The following NRXN3 variants were observed in gnomAD, a reference collection of about 807,000 sequenced individuals.
The protein encoded by NRXN3 is neurexin 3.
In NRXN3, 32 loss-of-function variants were observed where a neutral mutation model predicts 137.6. The ratio of observed to expected loss-of-function variants is 0.23; its 90% confidence interval spans 0.18 to 0.31. The LOEUF (loss-of-function observed/expected upper bound fraction) is 0.31, where lower values mean the gene tolerates loss of function less well. NRXN3 is among the 10% of genes least tolerant of loss of function. The pLI is 1.00. For missense variants in NRXN3, 1,574 were observed against 2,062.5 expected (o/e 0.76, Z 4.59); for synonymous variants, 798 against 784.5 (o/e 1.02, Z -0.29).
intron 10 of NRXN3, among the ~76,000 whole-genome samples, chr14:78,952,570 G>A (rs1305542594): frequency 6.6e-6 from 1 of 152,264 alleles, no homozygotes; most frequent in East Asian, 1.9e-4. Context: ...GGAAGCAAAG[G>A]TAAGTTTTCT....
intron 10 of NRXN3, among the ~76,000 whole-genome samples, chr14:78,846,540 T>G (rs2152466511): frequency 6.6e-6 from 1 of 152,204 alleles, no homozygotes; most frequent in East Asian, 1.9e-4. Context: ...TATGATTGGG[T>G]TTTGCTCATA....
In NRXN3 at chr14:79,079,032, A is replaced by G. The variant is rs77383875; in HGVS notation, c.3262+90891A>G. 6.8e-3 allele frequency among the ~76,000 whole-genome samples: 1,036 copies of G among 152,280 alleles called. 13 individuals carry two copies. Among genetic ancestry groups the G allele is most frequent in the African/African-American group, 0.024 (1,007 of 41,544 alleles). Reference sequence around the variant, plus strand: ...TGAGTCAACATTGCTTCTTTTAGTGACACAAGCAAGCCTGCTTTCTCCAGC... The same window carrying G: ...TGAGTCAACATTGCTTCTTTTAGTGGCACAAGCAAGCCTGCTTTCTCCAGC... On this transcript the variant is annotated intron_variant, in intron 15 of 20. Transcript: ENST00000335750.
intron 2 of NRXN3, among the ~76,000 whole-genome samples, chr14:78,261,560 A>G (rs2070725635): frequency 6.6e-6 from 1 of 152,226 alleles, no homozygotes; most frequent in South Asian, 2.1e-4. Flanking sequence ...AGATTTAGTG[A>G]AAATCTTTTA....
rs74976772 is a variant in NRXN3, at chr14:78,506,301, T to C, written c.758-138819T>C. 4.5e-4 allele frequency among the ~76,000 whole-genome samples: 68 copies of C among 152,310 alleles called. No individual in the cohort carries two copies. The East Asian group carries it at 0.012, about 27-fold the overall frequency. Reference sequence around the variant, plus strand: ...TTGCAAATGATAGGATTTCCTTCTTTTAAAAAACTAAATAATAGTCATGCT... The same window carrying C: ...TTGCAAATGATAGGATTTCCTTCTTCTAAAAAACTAAATAATAGTCATGCT... On this transcript the variant is annotated intron_variant, in intron 4 of 20. Coordinates refer to ENST00000335750, the MANE Select transcript of NRXN3 (RefSeq NM_001330195.2).
At chr14:79,787,168 GT>G (rs1409106440) in intron 19 of NRXN3, among the ~76,000 whole-genome samples, 2 of 152,160 alleles carry the variant, frequency 1.3e-5, no homozygotes, top group Non-Finnish European at 2.9e-5. Context: ...AACATTAGTT[GT>G]TTATGGACTT....
At chr14:79,853,872 G>GT (rs912630645) in intron 20 of NRXN3, 8 of 986,442 alleles carry the variant, frequency 8.1e-6, no homozygotes, top group East Asian at 1.1e-4. Context: ...AAGTAAACAG[G>GT]TTTTTTTGTT....
At position 78,353,471 on chromosome 14, in the gene NRXN3, G is replaced by A. The variant is rs999172728; in HGVS notation, c.757+55611G>A. 7.2e-5 allele frequency among the ~76,000 whole-genome samples: 11 copies of A among 152,082 alleles called. No homozygotes were observed. The South Asian group carries it at 8.3e-4, about 11-fold the overall frequency. ...GGTGGAAGGGGCAAGGCAGCTCTCCGGGGACTGTTTTATAAGGGCGTAGTC... is the reference window on the plus strand; with the variant it reads ...GGTGGAAGGGGCAAGGCAGCTCTCCAGGGACTGTTTTATAAGGGCGTAGTC... On this transcript the variant is annotated intron_variant, in intron 4 of 20. Coordinates refer to ENST00000335750, the MANE Select transcript of NRXN3 (RefSeq NM_001330195.2).
chr14:78,832,306 A>C (rs2098984741), intron 10 of NRXN3, among the ~76,000 whole-genome samples: 1 of 152,230 alleles, frequency 6.6e-6, no homozygotes, highest in Admixed American at 6.5e-5. Context: ...CTTGCCAAGA[A>C]AGAAAGAAAT....
At chr14:79,469,443 C>G (rs1349858919) in intron 16 of NRXN3, among the ~76,000 whole-genome samples, 3 of 152,166 alleles carry the variant, frequency 2.0e-5, no homozygotes, top group Non-Finnish European at 4.4e-5. Flanking sequence ...ATACTCTAAA[C>G]ATACTTTGAG....
chr14:78,662,408 C>T (rs1204525446), intron 6 of NRXN3, among the ~76,000 whole-genome samples: 2 of 151,900 alleles, frequency 1.3e-5, no homozygotes, highest in African/African-American at 4.8e-5. Flanking sequence ...AAAATGTGGC[C>T]CATATATCCT....
At chr14:79,532,104 C>G (rs2097174681) in intron 16 of NRXN3, among the ~76,000 whole-genome samples, 1 of 152,142 alleles carries the variant, frequency 6.6e-6, no homozygotes, top group African/African-American at 2.4e-5. Flanking sequence ...TCCCTGCCTT[C>G]TCTTCTCAAT....
chr14:79,083,466 G>C (rs1430943723), intron 15 of NRXN3, among the ~76,000 whole-genome samples: 1 of 152,196 alleles, frequency 6.6e-6, no homozygotes, highest in Non-Finnish European at 1.5e-5. Flanking sequence ...CGTTTGTAAT[G>C]TTCCAAGCAT....
chr14:79,752,058 C>T (rs2098999791), intron 19 of NRXN3, among the ~76,000 whole-genome samples: 1 of 152,100 alleles, frequency 6.6e-6, no homozygotes. Context: ...CTCTGTCCAG[C>T]TTTGGTATCA....
At chr14:78,352,381 C>T (rs1489582109) in intron 4 of NRXN3, among the ~76,000 whole-genome samples, 2 of 152,178 alleles carry the variant, frequency 1.3e-5, no homozygotes, top group Non-Finnish European at 2.9e-5. Context: ...CTGGCTCTTG[C>T]TCTGTGTGTT....
At chr14:78,560,019 A>T (rs1371462841) in intron 4 of NRXN3, among the ~76,000 whole-genome samples, 1 of 152,182 alleles carries the variant, frequency 6.6e-6, no homozygotes, top group African/African-American at 2.4e-5. Flanking sequence ...GACTCCAGTA[A>T]GTGTTTTCTG....
intron 10 of NRXN3, among the ~76,000 whole-genome samples, chr14:78,888,318 T>C (rs1001177969): frequency 6.6e-6 from 1 of 152,084 alleles, no homozygotes; most frequent in Non-Finnish European, 1.5e-5. Context: ...TGTTTCTAAG[T>C]TGACAGCAAA....
chr14:79,090,172 C>T (rs1387006618), intron 15 of NRXN3, among the ~76,000 whole-genome samples: 1 of 152,088 alleles, frequency 6.6e-6, no homozygotes, highest in Non-Finnish European at 1.5e-5. Context: ...GCTTGTCTTT[C>T]CTGGTTCTAG....
chr14:79,002,281 A>G (rs1421370451), intron 15 of NRXN3, among the ~76,000 whole-genome samples: 1 of 152,142 alleles, frequency 6.6e-6, no homozygotes, highest in Non-Finnish European at 1.5e-5. Flanking sequence ...GTAAACATAT[A>G]CTACGGTGGT....
At chr14:79,321,762 T>C (rs896576730) in intron 15 of NRXN3, among the ~76,000 whole-genome samples, 4 of 150,200 alleles carry the variant, frequency 2.7e-5, no homozygotes, top group African/African-American at 9.7e-5. Flanking sequence ...ATATGTGTAA[T>C]TACACATATC....
Sources: gnomAD v4.1 joint callset for allele counts (sites outside exome capture counted in the v4.1 genomes callset) on GRCh38, gnomAD v4.1.1 for gene constraint, MANE v1.5 for transcripts, NCBI Gene and HGNC (gene_info 2026-07-23, HGNC 2026-07-21) for gene names.